Variants in NKAIN3 observed in about 807,000 individuals in gnomAD.
NKAIN3 encodes sodium/potassium transporting ATPase interacting 3.
Under a neutral mutation model 30.2 loss-of-function variants are expected in NKAIN3, and 25 were observed. The observed-to-expected ratio is 0.83, with a 90% CI of 0.60 to 1.16. The LOEUF is 1.16. Among genes scored for constraint, NKAIN3 ranks in the 50% most tolerant of loss-of-function variants. The pLI is 0.00. For synonymous variants in NKAIN3, 91 were observed against 89.6 expected (o/e 1.02, Z -0.09); for missense variants, 225 against 254.1 (o/e 0.89, Z 0.78).
chr8:62,328,980 CT>C (rs1815244123), intron 1 of NKAIN3, among the ~76,000 whole-genome samples: 1 of 152,036 alleles, frequency 6.6e-6, no homozygotes. Context: ...CGACTTCCAT[CT>C]TTTGCATTAC....
At chr8:62,499,043 T>G (rs1435806499) in intron 1 of NKAIN3, among the ~76,000 whole-genome samples, 4 of 152,186 alleles carry the variant, frequency 2.6e-5, no homozygotes, top group African/African-American at 9.6e-5. Context: ...TTTTATCAAT[T>G]CAGATTCTTT....
At chr8:62,911,204 G>A (rs559844561) in intron 4 of NKAIN3, among the ~76,000 whole-genome samples, 2 of 152,160 alleles carry the variant, frequency 1.3e-5, no homozygotes, top group African/African-American at 2.4e-5. Flanking sequence ...AATAATATTC[G>A]TTGTGGCATT....
intron 1 of NKAIN3, among the ~76,000 whole-genome samples, chr8:62,555,703 G>A (rs1218954972): frequency 1.3e-5 from 2 of 152,010 alleles, no homozygotes; most frequent in African/African-American, 2.4e-5. Context: ...CAAATGAAAA[G>A]CAACAATCAT....
chr8:62,439,888 A>G (rs1805274258), intron 1 of NKAIN3, among the ~76,000 whole-genome samples: 2 of 152,150 alleles, frequency 1.3e-5, no homozygotes, highest in African/African-American at 4.8e-5. Context: ...AATAAGTATT[A>G]CTTCAATTAT....
At chr8:62,281,805 G>A (rs1482386997) in intron 1 of NKAIN3, among the ~76,000 whole-genome samples, 2 of 152,086 alleles carry the variant, frequency 1.3e-5, no homozygotes, top group Non-Finnish European at 2.9e-5. Flanking sequence ...ATTATAGTGT[G>A]AGTTCACATT....
At chr8:62,400,599 A>C (rs188061623) in intron 1 of NKAIN3, among the ~76,000 whole-genome samples, 193 of 152,236 alleles carry the variant, frequency 1.3e-3, no homozygotes, top group African/African-American at 4.5e-3. Flanking sequence ...TCTTGTGTTC[A>C]TGAAATCCCT....
At chr8:62,803,242 C>T (rs1353111684) in intron 4 of NKAIN3, among the ~76,000 whole-genome samples, 1 of 152,076 alleles carries the variant, frequency 6.6e-6, no homozygotes, top group African/African-American at 2.4e-5. Context: ...AGGAATTGAA[C>T]CCAGCTCTGC....
intron 4 of NKAIN3, among the ~76,000 whole-genome samples, chr8:62,854,070 G>T (rs1819990317): frequency 6.6e-6 from 1 of 152,166 alleles, no homozygotes; most frequent in South Asian, 2.1e-4. Flanking sequence ...GAGATGATTT[G>T]TTAGGATTTC....
intron 1 of NKAIN3, among the ~76,000 whole-genome samples, chr8:62,507,426 G>T (rs1236907912): frequency 1.3e-5 from 2 of 152,102 alleles, no homozygotes; most frequent in Non-Finnish European, 2.9e-5. Context: ...CCCATCAATA[G>T]TTGTTCAATT....
At chr8:62,585,607 A>G (rs2882924) in intron 2 of NKAIN3, among the ~76,000 whole-genome samples, 68,843 of 151,924 alleles carry the variant, frequency 0.45, 17,721 homozygotes, top group Non-Finnish European at 0.58. Context: ...GCCGCAGCCT[A>G]GATCCCTCGC....
chr8:62,991,352 AC>A (rs1188930056), intron 5 of NKAIN3, among the ~76,000 whole-genome samples: 1 of 152,184 alleles, frequency 6.6e-6, no homozygotes, highest in Non-Finnish European at 1.5e-5. Flanking sequence ...AATACTAGGA[AC>A]TGCATGTATC....
chr8:62,906,215 T>C (rs1821771587), intron 4 of NKAIN3, among the ~76,000 whole-genome samples: 2 of 152,226 alleles, frequency 1.3e-5, no homozygotes, highest in Admixed American at 6.5e-5. Context: ...GGAACAGTAA[T>C]AGACTAATTT....
intron 1 of NKAIN3, among the ~76,000 whole-genome samples, chr8:62,372,517 T>C (rs1816942997): frequency 6.6e-6 from 1 of 152,036 alleles, no homozygotes; most frequent in Admixed American, 6.5e-5. Context: ...CATCCATTTA[T>C]CTGGTTGTGG....
At chr8:62,706,053 T>C (rs895305858) in intron 3 of NKAIN3, among the ~76,000 whole-genome samples, 1 of 152,262 alleles carries the variant, frequency 6.6e-6, no homozygotes, top group East Asian at 1.9e-4. Context: ...GAGTATTTTA[T>C]TGGGGAATCC....
intron 3 of NKAIN3, among the ~76,000 whole-genome samples, chr8:62,626,793 T>A (rs536586851): frequency 3.0e-4 from 45 of 152,208 alleles, no homozygotes; most frequent in Non-Finnish European, 5.3e-4. Flanking sequence ...AAATAATAAT[T>A]CACTTTTGCT....
intron 1 of NKAIN3, among the ~76,000 whole-genome samples, chr8:62,343,136 T>A (rs1434877213): frequency 6.6e-6 from 1 of 152,072 alleles, no homozygotes; most frequent in African/African-American, 2.4e-5. Context: ...TGCATAAGAG[T>A]ACATACTCCA....
At chr8:62,811,726 CT>C (rs1818495196) in intron 4 of NKAIN3, among the ~76,000 whole-genome samples, 1 of 151,720 alleles carries the variant, frequency 6.6e-6, no homozygotes, top group Non-Finnish European at 1.5e-5. Flanking sequence ...GATTTTTTTG[CT>C]TTTCTTACTG....
intron 1 of NKAIN3, among the ~76,000 whole-genome samples, chr8:62,295,560 T>C (rs1813797427): frequency 6.6e-6 from 1 of 152,204 alleles, no homozygotes; most frequent in Non-Finnish European, 1.5e-5. Context: ...ATTAATGTAT[T>C]TTTGAGGCTT....
chr8:62,879,533 T>C (rs190506245), intron 4 of NKAIN3, among the ~76,000 whole-genome samples: 5 of 152,340 alleles, frequency 3.3e-5, no homozygotes, highest in Non-Finnish European at 7.3e-5. Flanking sequence ...TTGTTGCTGC[T>C]GTGTTATACT....
Sources: allele counts gnomAD v4.1 joint callset (sites outside exome capture counted in the v4.1 genomes callset), GRCh38; gene constraint gnomAD v4.1.1; transcripts MANE v1.5; gene names NCBI Gene and HGNC (gene_info 2026-07-23, HGNC 2026-07-21).